FAAP24: variants seen among roughly 807,000 people sequenced by gnomAD.
The protein encoded by FAAP24 is FA core complex associated protein 24.
In FAAP24, 16 loss-of-function variants were observed where a neutral mutation model predicts 14.3. The ratio of observed to expected loss-of-function variants is 1.12; its 90% CI spans 0.76 to 1.69. FAAP24 has a LOEUF of 1.69. FAAP24 is among the 40% of genes most tolerant of loss of function. The pLI is 0.00. For missense variants in FAAP24, 234 were observed against 262.7 expected (o/e 0.89, Z 0.75); for synonymous variants, 111 against 106.2 (o/e 1.04, Z -0.28).
chr19:32,975,711 G>T (rs1338172769), intron 4 of FAAP24, among the ~76,000 whole-genome samples: 1 of 152,168 alleles, frequency 6.6e-6, no homozygotes, highest in Non-Finnish European at 1.5e-5. Context: ...GCCCGCCTCA[G>T]CCTCCCAAAG....
chr19:32,973,553 G>A lies in FAAP24; in HGVS notation c.234G>A (p.Arg78=), dbSNP rs763245671. The part of the protein sequence containing the change: ...AGNGYRKRLV[R]VRNSNNLKGI... ...ATGGCTACAGAAAGAGGCTTGTTCG[G>A]GTTAGAAATGTAAGTATTAGGCTGG... The change falls in exon 3 of 5, where the codon CGG becomes CGA. Residue 78 remains arginine, a synonymous_variant. Transcript: ENST00000588258. The A allele has an allele frequency of 6.2e-7, 1 of 1,614,156 alleles. No individual in the cohort carries two copies. Among genetic ancestry groups the A allele is most frequent in the South Asian group, 1.1e-5 (1 of 91,084 alleles).
Position 32,973,305 on chromosome 19 carries a change from CGGTGGCCTGCCCT to C in FAAP24, c.106+4_106+16del, listed in dbSNP as rs1971466398. On this transcript the variant is annotated splice_donor_5th_base_variant and intron_variant, in intron 2 of 4. Coordinates refer to ENST00000588258, the MANE Select transcript of FAAP24 (RefSeq NM_152266.5). ...ACAGCTGGCGCAGGAGATGCAAGGT[CGGTGGCCTGCCCT>C]CTGCCAGCCCTTTCCTCCCCTGACA... The C allele has an allele frequency of 1.2e-6, 2 of 1,613,678 alleles. No homozygotes were observed. The highest frequency in any genetic ancestry group is 2.7e-5 in the African/African-American group (2 of 74,848).
chr19:32,974,010 T>C lies in FAAP24; in HGVS notation c.244-50T>C, dbSNP rs141825119. ...GCACGAAGTGATAGCATTCTTAACC[T>C]GAAAAGCAATTTGGTTGCAAAATGA... On this transcript the variant is annotated intron_variant, in intron 3 of 4. Transcript: ENST00000588258. 4.1e-4 allele frequency: 648 copies of C among 1,598,164 alleles called. 2 individuals carry two copies. The African/African-American group carries it at 7.8e-3, about 19-fold the overall frequency.
At chr19:32,973,600 A>G (rs748986021) in intron 3 of FAAP24, 38 bp downstream of exon 3, 2 of 1,609,536 alleles carry the variant, frequency 1.2e-6, no homozygotes, top group South Asian at 1.1e-5. Context: ...CACGCCAGTA[A>G]TCCCAGCACT....
Position 32,976,802 on chromosome 19 carries a change from C to T in FAAP24, c.*120C>T. The T allele has an allele frequency of 1.5e-6, 2 of 1,306,304 alleles. No homozygotes were observed. The highest frequency in any genetic ancestry group is 1.4e-5 in the South Asian group (1 of 70,520). 80.9% of individuals were successfully genotyped at this position (1,306,304 alleles called of 1,614,324 possible). On this transcript the variant is annotated 3_prime_UTR_variant, in exon 5 of 5. Transcript: ENST00000588258. ...CTGGCTCACGCCTCTAATCTCAGCA[C>T]TTTGGGAGGCCGAAGACAGCGGATC...
chr19:32,976,920 A>G lies in FAAP24; in HGVS notation c.*238A>G. On this transcript the variant is annotated 3_prime_UTR_variant, in exon 5 of 5. Transcript: ENST00000588258. ...GCCAGGCATGGTGACAGGTGCCTGT[A>G]ATCCCAGCTACTTGGGAGGCCGAGG... 1 of 560,748 alleles carries G rather than the reference A, an allele frequency of 1.8e-6. No homozygotes were observed. Among genetic ancestry groups the G allele is most frequent in the Non-Finnish European group, 3.1e-6 (1 of 321,404 alleles). 34.7% of individuals were successfully genotyped at this position (560,748 alleles called of 1,614,324 possible).
rs1971528489 is a variant in FAAP24 at position 32,977,001 on chromosome 19, A to G, written c.*319A>G. The G allele has an allele frequency of 4.7e-6, 2 of 423,758 alleles. No individual in the cohort carries two copies. The highest frequency in any genetic ancestry group is 7.7e-5 in the South Asian group (1 of 12,988). 26.2% of individuals were successfully genotyped at this position (423,758 alleles called of 1,614,324 possible). A position where few individuals can be genotyped will look rare whatever the true frequency, so the allele number is the denominator to read the frequency against. On this transcript the variant is annotated 3_prime_UTR_variant, in exon 5 of 5. Coordinates refer to ENST00000588258, the MANE Select transcript of FAAP24 (RefSeq NM_152266.5). ...GGTTGCAGTGAGCTGAGATCGTGCC[A>G]CTGCACTCCAGCCTGGGCACCAGAG...
intron 4 of FAAP24, 79 bp from the exon 5 acceptor site, chr19:32,976,352 A>T: frequency 6.6e-7 from 1 of 1,515,780 alleles, no homozygotes; most frequent in Non-Finnish European, 8.8e-7. Flanking sequence ...GAAAAACGCA[A>T]TTTCTACAAA....
In FAAP24 at chr19:32,973,477, C is replaced by T; in HGVS notation, c.158C>T (p.Ser53Leu). 3.1e-6 allele frequency: 5 copies of T among 1,614,150 alleles called. No individual in the cohort carries two copies. Among genetic ancestry groups the T allele is most frequent in the East Asian group, 2.2e-5 (1 of 44,892 alleles). Reference sequence around the variant, plus strand: ...GGCTTGACACCAGACTTTTATCTGTCGAACAGATGCTGCATTCTTTATGTC... The same window carrying T: ...GGCTTGACACCAGACTTTTATCTGTTGAACAGATGCTGCATTCTTTATGTC... ...EDGLTPDFYLSNRCCILYVTE... is the reference protein window; with the variant it reads ...EDGLTPDFYLLNRCCILYVTE... The change falls in exon 3 of 5, where the codon TCG (serine) becomes TTG (leucine). Residue 53 changes from serine to leucine, a missense_variant. Ser to Leu is a moderately radical substitution (Grantham distance 145). Coordinates refer to ENST00000588258, the MANE Select transcript of FAAP24 (RefSeq NM_152266.5).
At chr19:32,974,553 G>A (rs1599798386) in intron 4 of FAAP24, among the ~76,000 whole-genome samples, 1 of 152,138 alleles carries the variant, frequency 6.6e-6, no homozygotes, top group South Asian at 2.1e-4. Flanking sequence ...GGAGGCGGAG[G>A]CGGGAGGATC....
At position 32,974,178 on chromosome 19, in the gene FAAP24, G is replaced by A. The variant is rs757957203; in HGVS notation, c.362G>A (p.Ser121Asn). ...GGAATGGTGCTGCTTCCAGTGGCCA[G>A]CCAGATGGAAGCATCCTGCCTCGTC... ...DLGMVLLPVA[S>N]QMEASCLVIQ... is the part of the protein sequence containing the mutation. Residue 121 changes from serine (S) to asparagine (N), a missense_variant, in exon 4 of 5, where the codon AGC becomes AAC. Coordinates refer to ENST00000588258, the MANE Select transcript of FAAP24 (RefSeq NM_152266.5). 7 of 1,613,878 alleles carry A rather than the reference G, an allele frequency of 4.3e-6. No individual in the cohort carries two copies. The highest frequency in any genetic ancestry group is 3.3e-5 in the South Asian group (3 of 90,970).
chr19:32,973,611 T>C (rs778638748), intron 3 of FAAP24, 49 bp downstream of exon 3: 3 of 1,602,162 alleles, frequency 1.9e-6, no homozygotes, highest in East Asian at 2.2e-5. Context: ...TCCCAGCACT[T>C]TGGGAGGCCA....
rs764471433 is a variant in FAAP24 at position 32,973,470 on chromosome 19, T to A, written c.151T>A (p.Tyr51Asn). ...IFEDGLTPDFYLSNRCCILYV... is the reference protein window; with the variant it reads ...IFEDGLTPDFNLSNRCCILYV... ...CGAGGATGGCTTGACACCAGACTTTTATCTGTCGAACAGATGCTGCATTCT... is the reference window on the plus strand; with the variant it reads ...CGAGGATGGCTTGACACCAGACTTTAATCTGTCGAACAGATGCTGCATTCT... The change falls in exon 3 of 5, where the codon TAT (tyrosine) becomes AAT (asparagine). Residue 51 changes from tyrosine to asparagine, a missense_variant. Transcript: ENST00000588258. 2.5e-6 allele frequency: 4 copies of A among 1,614,260 alleles called. No homozygotes were observed. In the South Asian group the frequency reaches 4.4e-5, roughly 18 times the overall value.
At position 32,973,099 on chromosome 19, in the gene FAAP24, G is replaced by A. The variant is rs1446927997; in HGVS notation, c.-13-85G>A. The A allele has an allele frequency of 6.3e-5, 60 of 950,458 alleles. No individual in the cohort carries two copies. In the East Asian group the frequency reaches 1.3e-3, roughly 21 times the overall value. The allele number at this position is 950,458 out of a possible 1,614,324, so 58.9% of individuals were successfully genotyped here. ...TAATTCAGTTTGCAGAGGGGATCCT[G>A]CCCCAGAGGCCCTGGCTTGGAGTGG... On this transcript the variant is annotated intron_variant, in intron 1 of 4. Coordinates refer to ENST00000588258, the MANE Select transcript of FAAP24 (RefSeq NM_152266.5).
chr19:32,976,071 C>T (rs1483253816), intron 4 of FAAP24, among the ~76,000 whole-genome samples: 2 of 152,202 alleles, frequency 1.3e-5, no homozygotes, highest in African/African-American at 4.8e-5. Context: ...TCCTTTGAGG[C>T]AGGCTTCCTG....
intron 3 of FAAP24, among the ~76,000 whole-genome samples, chr19:32,973,783 A>G (rs1161259442): frequency 6.6e-6 from 1 of 152,218 alleles, no homozygotes; most frequent in African/African-American, 2.4e-5. Flanking sequence ...TGAGCCTGGG[A>G]GGCAGAGGCT....
Position 32,972,299 on chromosome 19 carries a change from G to T in FAAP24, c.-61G>T. ...CATGATCTCTAGACTGGGACGGTGG[G>T]GTTCCTGCCGGCTGTATTCGGGCCT... On this transcript the variant is annotated 5_prime_UTR_variant, in exon 1 of 5. Transcript: ENST00000588258. 2.4e-6 allele frequency: 1 copy of T among 423,244 alleles called. No homozygotes were observed. Among genetic ancestry groups the T allele is most frequent in the South Asian group, 7.7e-5 (1 of 12,912 alleles). The allele number at this position is 423,244 out of a possible 1,614,324, so 26.2% of individuals were successfully genotyped here. A position where few individuals can be genotyped will look rare whatever the true frequency, so the allele number is the denominator to read the frequency against.
Position 32,973,554 on chromosome 19 carries a change from G to A in FAAP24, c.235G>A (p.Val79Ile). 1 of 1,614,156 alleles carries A rather than the reference G, an allele frequency of 6.2e-7. No homozygotes were observed. The highest frequency in any genetic ancestry group is 8.5e-7 in the Non-Finnish European group (1 of 1,180,000). ...TGGCTACAGAAAGAGGCTTGTTCGG[G>A]TTAGAAATGTAAGTATTAGGCTGGG... is the stretch of plus-strand genomic sequence containing the variant. Reference protein sequence around the residue: ...GNGYRKRLVRVRNSNNLKGIV... With the variant: ...GNGYRKRLVRIRNSNNLKGIV... Residue 79 changes from valine (V) to isoleucine (I), a missense_variant, in exon 3 of 5, where the codon GTT becomes ATT. Coordinates refer to ENST00000588258, the MANE Select transcript of FAAP24 (RefSeq NM_152266.5).
Position 32,977,337 on chromosome 19 carries a change from G to T in FAAP24, c.*655G>T. ...GGAAAGTGCCTTCTAAAAAGCTTCA[G>T]TGGTGGATGTGACCATCTGAAGGAA... On this transcript the variant is annotated 3_prime_UTR_variant, in exon 5 of 5. Transcript: ENST00000588258. 2.5e-6 allele frequency: 1 copy of T among 398,704 alleles called. No individual in the cohort carries two copies. The highest frequency in any genetic ancestry group is 4.4e-6 in the Non-Finnish European group (1 of 226,136). 24.7% of individuals were successfully genotyped at this position (398,704 alleles called of 1,614,324 possible). A position where few individuals can be genotyped will look rare whatever the true frequency, so the allele number is the denominator to read the frequency against.
Sources: allele counts gnomAD v4.1 joint callset (sites outside exome capture counted in the v4.1 genomes callset), GRCh38; gene constraint gnomAD v4.1.1; transcripts MANE v1.5; gene names NCBI Gene and HGNC (gene_info 2026-07-23, HGNC 2026-07-21).